Variants in RALYL observed in about 807,000 individuals in gnomAD.
RALYL encodes RNA-binding Raly-like protein.
In RALYL, 29 loss-of-function variants were observed where a neutral mutation model predicts 35.1. That is an observed-to-expected ratio of 0.83 (90% CI 0.61 to 1.13). The LOEUF is 1.13. Among genes scored for constraint, RALYL ranks in the 50% most tolerant of loss-of-function variants. RALYL has a pLI of 0.00. For synonymous variants in RALYL, 120 were observed against 127.6 expected, an observed-to-expected ratio of 0.94 and a Z score of 0.40; for missense variants, 359 against 360.4, an observed-to-expected ratio of 1.00 and a Z score of 0.03.
At chr8:84,464,466 T>A (rs567420286) in intron 1 of RALYL, among the ~76,000 whole-genome samples, 4 of 151,452 alleles carry the variant, frequency 2.6e-5, no homozygotes, top group Non-Finnish European at 4.4e-5. Flanking sequence ...ACAAAGGACA[T>A]GAACTCATCA....
At chr8:84,499,913 C>T (rs2056481058) in intron 1 of RALYL, among the ~76,000 whole-genome samples, 2 of 152,002 alleles carry the variant, frequency 1.3e-5, no homozygotes, top group Non-Finnish European at 2.9e-5. Context: ...TGCCACCATG[C>T]CCGACCAATT....
intron 4 of RALYL, among the ~76,000 whole-genome samples, chr8:84,844,868 A>G (rs1028970277): frequency 6.6e-6 from 1 of 152,180 alleles, no homozygotes; most frequent in African/African-American, 2.4e-5. Context: ...TATGGCAAGG[A>G]CAAAAAACCA....
At chr8:84,653,883 T>C (rs1829367730) in intron 2 of RALYL, among the ~76,000 whole-genome samples, 1 of 151,668 alleles carries the variant, frequency 6.6e-6, no homozygotes. Flanking sequence ...TAAAGTATTT[T>C]TACTTTAATA....
chr8:84,451,818 GA>G (rs1398457676), intron 1 of RALYL, among the ~76,000 whole-genome samples: 1 of 151,916 alleles, frequency 6.6e-6, no homozygotes, highest in African/African-American at 2.4e-5. Context: ...TTAAAATTAA[GA>G]ATATTTGGCA....
At chr8:84,496,180 C>A (rs1363240887) in intron 1 of RALYL, among the ~76,000 whole-genome samples, 1 of 152,084 alleles carries the variant, frequency 6.6e-6, no homozygotes, top group South Asian at 2.1e-4. Flanking sequence ...CTCCACAACT[C>A]TACTAAATGC....
chr8:84,642,283 T>G (rs1349358191), intron 2 of RALYL, among the ~76,000 whole-genome samples: 1 of 152,074 alleles, frequency 6.6e-6, no homozygotes, highest in Non-Finnish European at 1.5e-5. Flanking sequence ...AAACTTTGTT[T>G]GCCCTGATAG....
intron 5 of RALYL, among the ~76,000 whole-genome samples, chr8:84,857,573 A>G (rs1837303053): frequency 6.6e-6 from 1 of 152,208 alleles, no homozygotes; most frequent in Non-Finnish European, 1.5e-5. Flanking sequence ...AAATATAAGC[A>G]TCAAGTCAGA....
chr8:84,456,155 C>G (rs2050109800), intron 1 of RALYL, among the ~76,000 whole-genome samples: 1 of 152,004 alleles, frequency 6.6e-6, no homozygotes, highest in Non-Finnish European at 1.5e-5. Context: ...ATGTAGCTCT[C>G]TGAAACAGAC....
intron 1 of RALYL, among the ~76,000 whole-genome samples, chr8:84,224,103 G>T (rs1823217509): frequency 6.6e-6 from 1 of 151,990 alleles, no homozygotes; most frequent in Admixed American, 6.6e-5. Context: ...GATAAAAATG[G>T]TCCCTACCGT....
At chr8:84,634,721 A>G (rs746507011) in intron 2 of RALYL, among the ~76,000 whole-genome samples, 2 of 151,856 alleles carry the variant, frequency 1.3e-5, no homozygotes, top group Non-Finnish European at 2.9e-5. Context: ...AGGGCTGGTC[A>G]GAAAGATAGA....
chr8:84,330,166 T>G (rs1337757285), intron 1 of RALYL, among the ~76,000 whole-genome samples: 2 of 151,938 alleles, frequency 1.3e-5, no homozygotes, highest in Non-Finnish European at 2.9e-5. Context: ...AAATACAAAT[T>G]AAAAGCACAG....
chr8:84,420,008 G>T (rs1243704625), intron 1 of RALYL, among the ~76,000 whole-genome samples: 1 of 150,250 alleles, frequency 6.7e-6, no homozygotes, highest in Non-Finnish European at 1.5e-5. Flanking sequence ...ATAAACATAC[G>T]TGTGCATGTG....
intron 1 of RALYL, among the ~76,000 whole-genome samples, chr8:84,481,478 C>T (rs919484173): frequency 4.7e-4 from 62 of 131,120 alleles, no homozygotes; most frequent in African/African-American, 1.6e-3. Context: ...TACTTCTATT[C>T]CTATTTTGAA....
chr8:84,796,157 A>G (rs1278618641), intron 3 of RALYL, among the ~76,000 whole-genome samples: 1 of 152,150 alleles, frequency 6.6e-6, no homozygotes, highest in Non-Finnish European at 1.5e-5. Flanking sequence ...GGAGGTGAGG[A>G]GGTCAGTGCC....
At chr8:84,554,056 C>T (rs1181758855) in intron 2 of RALYL, among the ~76,000 whole-genome samples, 1 of 152,076 alleles carries the variant, frequency 6.6e-6, no homozygotes, top group Non-Finnish European at 1.5e-5. Context: ...TCTTATATTT[C>T]TTTAATTCTC....
chr8:84,822,660 T>C (rs1020077292), intron 4 of RALYL, among the ~76,000 whole-genome samples: 5 of 152,140 alleles, frequency 3.3e-5, no homozygotes, highest in African/African-American at 1.2e-4. Flanking sequence ...TAGTAAAATA[T>C]TTAGACATTT....
intron 2 of RALYL, among the ~76,000 whole-genome samples, chr8:84,622,489 A>T: frequency 6.6e-6 from 1 of 152,180 alleles, no homozygotes; most frequent in East Asian, 1.9e-4. Context: ...TTTTACAGAG[A>T]GTGGCATCAT....
chr8:84,766,339 G>A (rs1355438355), intron 2 of RALYL, among the ~76,000 whole-genome samples: 1 of 151,866 alleles, frequency 6.6e-6, no homozygotes, highest in Non-Finnish European at 1.5e-5. Context: ...GCCAAGAAAA[G>A]GATATAATGT....
chr8:84,470,954 G>T (rs1395872599), intron 1 of RALYL, among the ~76,000 whole-genome samples: 3 of 152,120 alleles, frequency 2.0e-5, no homozygotes, highest in Admixed American at 1.3e-4. Context: ...GTTACTATGG[G>T]TTAGCCTTCC....
Sources: allele counts gnomAD v4.1 joint callset (sites outside exome capture counted in the v4.1 genomes callset), GRCh38; gene constraint gnomAD v4.1.1; transcripts MANE v1.5; gene names NCBI Gene and HGNC (gene_info 2026-07-23, HGNC 2026-07-21).